The following CAPN8 variants were observed in gnomAD, a reference collection of about 807,000 sequenced individuals.
CAPN8 encodes calpain-8.
A neutral mutation model predicts 80.9 loss-of-function variants in CAPN8; 87 were observed. That is an observed-to-expected ratio of 1.07 (90% CI 0.90 to 1.28). CAPN8 has a LOEUF of 1.28. Ranked by LOEUF, CAPN8 falls within the 50% of genes most tolerant of loss-of-function variation. CAPN8 has a pLI of 0.00. For missense variants in CAPN8, 757 were observed against 702.0 expected, an observed-to-expected ratio of 1.08 and a Z score of -0.89; for synonymous variants, 299 against 273.8, an observed-to-expected ratio of 1.09 and a Z score of -0.91.
chr1:223,655,238 G>A (rs1185067806), intron 1 of CAPN8, among the ~76,000 whole-genome samples: 2 of 152,164 alleles, frequency 1.3e-5, no homozygotes, highest in Non-Finnish European at 2.9e-5. Context: ...TGTGCTGATG[G>A]ACACACTGAA....
intron 9 of CAPN8, chr1:223,618,399 G>T (rs1657267815): frequency 5.5e-5 from 76 of 1,377,520 alleles, no homozygotes; most frequent in Non-Finnish European, 7.5e-5. Context: ...CTCCACCAGG[G>T]TCTGAGTCCC....
chr1:223,622,755 T>G, intron 7 of CAPN8, 60 bp downstream of exon 7: 1 of 1,329,394 alleles, frequency 7.5e-7, no homozygotes, highest in Non-Finnish European at 1.1e-6. Context: ...GTTGTGTGTT[T>G]TACACGACAC....
chr1:223,613,727 C>A (rs532518464), intron 10 of CAPN8, among the ~76,000 whole-genome samples: 3 of 152,324 alleles, frequency 2.0e-5, no homozygotes, highest in Non-Finnish European at 4.4e-5. Flanking sequence ...TTGGAGGCAC[C>A]TGGCTGCTTC....
intron 16 of CAPN8, among the ~76,000 whole-genome samples, chr1:223,547,906 C>T (rs1186913124): frequency 1.3e-5 from 2 of 152,174 alleles, no homozygotes; most frequent in Admixed American, 6.5e-5. Context: ...CTTAACAGTT[C>T]CTTGCAGTCC....
At chr1:223,634,608 C>G (rs1657862853) in intron 2 of CAPN8, among the ~76,000 whole-genome samples, 1 of 152,170 alleles carries the variant, frequency 6.6e-6, no homozygotes, top group Non-Finnish European at 1.5e-5. Flanking sequence ...GCTGGGAAGT[C>G]CAAGATCAAA....
rs191736020 is a variant in CAPN8 at position 223,543,615 on chromosome 1, T to C, written c.2030-449A>G. On this transcript the variant is annotated intron_variant, in intron 19 of 20. Transcript: ENST00000366872. ...AATCCCTTCCTAATAAGATATCTAA[T>C]CTCAAGGCCCAAGATGGCAGAAAAA... Among the ~76,000 whole-genome samples, 3 of 152,122 alleles carry C rather than the reference T, an allele frequency of 2.0e-5. No individual in the cohort carries two copies. The East Asian group carries it at 5.8e-4, about 29-fold the overall frequency.
chr1:223,622,378 C>T (rs1176841260), intron 7 of CAPN8, among the ~76,000 whole-genome samples: 7 of 152,148 alleles, frequency 4.6e-5, no homozygotes, highest in Admixed American at 3.9e-4. Context: ...TGCCAGGGCC[C>T]GGGGCTCCTA....
intron 2 of CAPN8, among the ~76,000 whole-genome samples, chr1:223,642,467 T>TA (rs1658069784): frequency 6.6e-6 from 1 of 152,186 alleles, no homozygotes; most frequent in East Asian, 1.9e-4. Context: ...AAGGGGCCTC[T>TA]CAGACCTGAT....
At chr1:223,652,634 C>A (rs140447696) in intron 2 of CAPN8, among the ~76,000 whole-genome samples, 1 of 152,124 alleles carries the variant, frequency 6.6e-6, no homozygotes, top group Non-Finnish European at 1.5e-5. Context: ...CCTGGCTCCC[C>A]ACCCTGACGC....
intron 20 of CAPN8, 127 bp downstream of exon 20, chr1:223,542,981 C>G: frequency 1.0e-6 from 1 of 997,832 alleles, no homozygotes; most frequent in Non-Finnish European, 1.5e-6. Context: ...GTGCCTGCCA[C>G]AGAACATGCA....
At chr1:223,655,619 G>A (rs1658466314) in intron 1 of CAPN8, among the ~76,000 whole-genome samples, 1 of 152,142 alleles carries the variant, frequency 6.6e-6, no homozygotes, top group African/African-American at 2.4e-5. Flanking sequence ...AAAGGCTAGT[G>A]CATAATAATA....
rs117903984 is a variant in CAPN8 at position 223,613,661 on chromosome 1, C to T, written c.1312-1404G>A. On this transcript the variant is annotated intron_variant, in intron 10 of 20. Coordinates refer to ENST00000366872, the MANE Select transcript of CAPN8 (RefSeq NM_001143962.2). The stretch of plus-strand genomic sequence containing the variant: ...CAAATGACAGGCTGGCCTGGCATCA[C>T]TGCAGGAAGATAGAGGGGAGAGAGA... Among the ~76,000 whole-genome samples, 205 of 152,362 alleles carry T rather than the reference C, an allele frequency of 1.3e-3. 4 individuals are homozygous for T. In the East Asian group the frequency reaches 0.017, roughly 13 times the overall value.
intron 16 of CAPN8, chr1:223,545,511 GAGCT>G: frequency 1.4e-6 from 1 of 718,608 alleles, no homozygotes; most frequent in Non-Finnish European, 2.2e-6. Context: ...GCCAGGCACA[GAGCT>G]AGGAACAAAG....
chr1:223,627,928 G>T (rs1657641489), intron 4 of CAPN8, 81 bp downstream of exon 4: 2 of 1,428,222 alleles, frequency 1.4e-6, no homozygotes, highest in Admixed American at 2.7e-5. Flanking sequence ...AGTTTGGGGT[G>T]GGGAGGCAGA....
chr1:223,615,056 T>C (rs542352518), intron 10 of CAPN8, among the ~76,000 whole-genome samples: 1 of 152,376 alleles, frequency 6.6e-6, no homozygotes, highest in Non-Finnish European at 1.5e-5. Flanking sequence ...AATTCCAGAA[T>C]ATGAGAAATA....
intron 2 of CAPN8, among the ~76,000 whole-genome samples, chr1:223,653,108 G>C (rs187288926): frequency 5.9e-5 from 9 of 151,338 alleles, no homozygotes; most frequent in African/African-American, 2.2e-4. Flanking sequence ...GTTAAACATG[G>C]AGCTGGAAGT....
chr1:223,555,899 G>C (rs1288601904), intron 13 of CAPN8, among the ~76,000 whole-genome samples: 1 of 152,304 alleles, frequency 6.6e-6, no homozygotes, highest in Admixed American at 6.5e-5. Flanking sequence ...CAGAACCTGC[G>C]TGTGAATGCA....
At chr1:223,649,825 C>T (rs1658297939) in intron 2 of CAPN8, among the ~76,000 whole-genome samples, 1 of 152,142 alleles carries the variant, frequency 6.6e-6, no homozygotes, top group South Asian at 2.1e-4. Context: ...AGGTACCAGG[C>T]ACCGTGGATA....
chr1:223,625,911 T>G, intron 5 of CAPN8, 23 bp from the exon 6 acceptor site: 1 of 1,544,012 alleles, frequency 6.5e-7, no homozygotes, highest in Non-Finnish European at 8.8e-7. Context: ...GAAAGTCCAC[T>G]CAGTGGCTGA....
Sources: gnomAD v4.1 joint callset for allele counts (sites outside exome capture counted in the v4.1 genomes callset) on GRCh38, gnomAD v4.1.1 for gene constraint, MANE v1.5 for transcripts, NCBI Gene and HGNC (gene_info 2026-07-23, HGNC 2026-07-21) for gene names.